The following CSMD1 variants were observed in gnomAD, a reference collection of about 807,000 sequenced individuals.
CSMD1 encodes CUB and sushi domain-containing protein 1.
In CSMD1, 213 loss-of-function variants were observed where a neutral mutation model predicts 417.5. The observed-to-expected ratio is 0.51, with a 90% CI of 0.46 to 0.57. The LOEUF is 0.57. CSMD1 is among the 20% of genes least tolerant of loss of function. The pLI, the probability that CSMD1 is intolerant of heterozygous loss-of-function variation, is 0.00. For missense variants in CSMD1, 6,923 were observed against 4,529.7 expected, an observed-to-expected ratio of 1.53 and a Z score of -15.17; for synonymous variants, 2,862 against 1,736.8, an observed-to-expected ratio of 1.65 and a Z score of -16.11.
intron 3 of CSMD1, among the ~76,000 whole-genome samples, chr8:4,344,914 C>T (rs1212171650): frequency 6.6e-6 from 1 of 152,076 alleles, no homozygotes; most frequent in Non-Finnish European, 1.5e-5. Flanking sequence ...AGGCACTATG[C>T]AACAGGTTGT....
intron 5 of CSMD1, among the ~76,000 whole-genome samples, chr8:3,762,703 G>T (rs546410509): frequency 6.6e-6 from 1 of 152,198 alleles, no homozygotes; most frequent in Non-Finnish European, 1.5e-5. Flanking sequence ...AGCCAAAGCT[G>T]TCCGTCTGCA....
At chr8:4,922,163 A>G (rs1190064899) in intron 1 of CSMD1, among the ~76,000 whole-genome samples, 1 of 152,012 alleles carries the variant, frequency 6.6e-6, no homozygotes, top group Non-Finnish European at 1.5e-5. Flanking sequence ...TAAATTCTAG[A>G]AGGGGTGAAG....
intron 7 of CSMD1, among the ~76,000 whole-genome samples, chr8:3,683,612 T>C (rs1286083631): frequency 6.6e-6 from 1 of 152,170 alleles, no homozygotes; most frequent in Non-Finnish European, 1.5e-5. Flanking sequence ...TTCTGCCAGG[T>C]CTTCCGCTGA....
intron 26 of CSMD1, among the ~76,000 whole-genome samples, chr8:3,255,237 C>T (rs967500677): frequency 6.6e-6 from 1 of 151,968 alleles, no homozygotes; most frequent in African/African-American, 2.4e-5. Flanking sequence ...GGAAGTTTTT[C>T]TCAGGGGTGT....
At chr8:4,917,882 C>G (rs923400798) in intron 1 of CSMD1, among the ~76,000 whole-genome samples, 11 of 152,046 alleles carry the variant, frequency 7.2e-5, no homozygotes, top group African/African-American at 2.7e-4. Context: ...GCCTGGAAGG[C>G]TAGGTACGAT....
At chr8:3,402,291 C>A (rs1051012703) in intron 15 of CSMD1, among the ~76,000 whole-genome samples, 1 of 151,942 alleles carries the variant, frequency 6.6e-6, no homozygotes, top group Non-Finnish European at 1.5e-5. Flanking sequence ...TGCTACTTTA[C>A]GCACATTTTA....
chr8:3,299,142 G>C (rs540916250), intron 25 of CSMD1, among the ~76,000 whole-genome samples: 1 of 152,216 alleles, frequency 6.6e-6, no homozygotes, highest in Non-Finnish European at 1.5e-5. Flanking sequence ...ATTCCACTAG[G>C]TAAAGGAAGT....
At chr8:3,315,471 ACTAT>A (rs1359909488) in intron 23 of CSMD1, among the ~76,000 whole-genome samples, 5 of 96,744 alleles carry the variant, frequency 5.2e-5, no homozygotes, top group East Asian at 4.4e-4. Flanking sequence ...TGATTTTTAA[ACTAT>A]CTTTTAAATT....
chr8:4,724,550 G>C (rs1409775526), intron 1 of CSMD1, among the ~76,000 whole-genome samples: 1 of 151,086 alleles, frequency 6.6e-6, no homozygotes, highest in Non-Finnish European at 1.5e-5. Context: ...GTGTGTGTGT[G>C]TGTGTGTGTG....
intron 12 of CSMD1, among the ~76,000 whole-genome samples, chr8:3,462,142 G>A (rs1292779153): frequency 6.6e-6 from 1 of 151,424 alleles, no homozygotes; most frequent in Non-Finnish European, 1.5e-5. Flanking sequence ...CCACCTCCCA[G>A]CTGCTCGGGA....
chr8:3,311,530 A>G (rs1026547579), intron 23 of CSMD1, among the ~76,000 whole-genome samples: 2 of 152,036 alleles, frequency 1.3e-5, no homozygotes, highest in African/African-American at 4.8e-5. Flanking sequence ...AATTATAAGC[A>G]TGAGTCTAAT....
chr8:3,683,334 T>A (rs1014143906), intron 7 of CSMD1, among the ~76,000 whole-genome samples: 1 of 152,200 alleles, frequency 6.6e-6, no homozygotes, highest in South Asian at 2.1e-4. Context: ...CATTGTGTTC[T>A]CTTATTTATT....
intron 3 of CSMD1, among the ~76,000 whole-genome samples, chr8:4,201,435 G>A (rs1037864695): frequency 6.7e-6 from 1 of 150,064 alleles, no homozygotes; most frequent in African/African-American, 2.5e-5. Context: ...CTACTCAGGA[G>A]GCTGAGGCAG....
chr8:4,894,164 T>G (rs1017918244), intron 1 of CSMD1, among the ~76,000 whole-genome samples: 1 of 152,082 alleles, frequency 6.6e-6, no homozygotes, highest in Non-Finnish European at 1.5e-5. Flanking sequence ...GTGAACAGTT[T>G]TTATGTTATT....
intron 3 of CSMD1, among the ~76,000 whole-genome samples, chr8:4,187,256 A>C (rs1798737566): frequency 6.6e-6 from 1 of 152,210 alleles, no homozygotes; most frequent in South Asian, 2.1e-4. Context: ...TATGGCAGAG[A>C]CTTAAAATGA....
intron 1 of CSMD1, among the ~76,000 whole-genome samples, chr8:4,970,997 C>T (rs1468411464): frequency 6.6e-6 from 1 of 151,934 alleles, no homozygotes; most frequent in East Asian, 1.9e-4. Flanking sequence ...ATTTATGGTC[C>T]TTTGTAGAGA....
intron 1 of CSMD1, among the ~76,000 whole-genome samples, chr8:4,890,590 G>C (rs761434001): frequency 1.3e-5 from 2 of 150,466 alleles, no homozygotes; most frequent in African/African-American, 4.9e-5. Context: ...GGACAGGTGA[G>C]AGCGTGACTC....
chr8:4,577,370 AC>A (rs1329707608), intron 2 of CSMD1, among the ~76,000 whole-genome samples: 36 of 152,256 alleles, frequency 2.4e-4, no homozygotes, highest in African/African-American at 8.7e-4. Context: ...TACCTTCTAA[AC>A]CTGTGGCACA....
At chr8:2,951,883 C>A (rs1441688361) in intron 65 of CSMD1, among the ~76,000 whole-genome samples, 1 of 152,058 alleles carries the variant, frequency 6.6e-6, no homozygotes, top group African/African-American at 2.4e-5. Flanking sequence ...TAATATATTC[C>A]ATGAGTAAGA....
Sources: allele counts gnomAD v4.1 joint callset (sites outside exome capture counted in the v4.1 genomes callset), GRCh38; gene constraint gnomAD v4.1.1; transcripts MANE v1.5; gene names NCBI Gene and HGNC (gene_info 2026-07-23, HGNC 2026-07-21).